The following UGT1A7 variants were observed in gnomAD, a reference collection of about 807,000 sequenced individuals.
UGT1A7 encodes the protein UDP-glucuronosyltransferase 1A7.
UGT1A7 carries 33 observed loss-of-function variants against 45.6 expected under a neutral mutation model. The ratio of observed to expected loss-of-function variants is 0.72; its 90% CI spans 0.55 to 0.97. UGT1A7 has a LOEUF of 0.97. Among genes scored for constraint, UGT1A7 ranks in the 50% least tolerant of loss-of-function variants. The pLI is 0.00. For missense variants in UGT1A7, 684 were observed against 666.2 expected (o/e 1.03, Z -0.29); for synonymous variants, 274 against 250.6 (o/e 1.09, Z -0.88).
chr2:233,694,905 A>G (rs749639379), intron 1 of UGT1A7, among the ~76,000 whole-genome samples: 11 of 152,192 alleles, frequency 7.2e-5, no homozygotes, highest in Non-Finnish European at 1.3e-4. Context: ...ATTTTGATAC[A>G]CGTATACAAT....
chr2:233,748,068 C>G, intron 1 of UGT1A7: 1 of 1,613,324 alleles, frequency 6.2e-7, no homozygotes, highest in Non-Finnish European at 8.5e-7. Flanking sequence ...CAACAGGAAG[C>G]CACTATCTCA....
rs141814082 is a variant in UGT1A7, at chr2:233,729,618, C to T, written c.856-37416C>T. ...TCTGCGCGGCAGTGCTGGCTAAGTACCTGTCGATTCCTACTGTGTTTTTTT... is the reference window on the plus strand; with the variant it reads ...TCTGCGCGGCAGTGCTGGCTAAGTATCTGTCGATTCCTACTGTGTTTTTTT... On this transcript the variant is annotated intron_variant, in intron 1 of 4. Transcript: ENST00000373426. The T allele has an allele frequency of 3.1e-6, 5 of 1,613,838 alleles. No homozygotes were observed. The South Asian group carries it at 4.4e-5, about 14-fold the overall frequency.
chr2:233,761,167 G>C, intron 1 of UGT1A7: 1 of 1,614,098 alleles, frequency 6.2e-7, no homozygotes. Flanking sequence ...TATTGGAGTG[G>C]GACTTTTACA....
In UGT1A7 at chr2:233,681,970, C is replaced by G. The variant is rs7577677; in HGVS notation, c.33C>G (p.Pro11=). Residue 11 remains proline, a synonymous_variant, in exon 1 of 5, where the codon CCC becomes CCG. Transcript: ENST00000373426. MARAGWTGLL[P]LYVCLLLTCG... is the part of the protein sequence containing the mutation. ...GTGCAGGGTGGACTGGCCTCCTTCCCCTATATGTGTGTCTACTGCTGACCT... is the reference window on the plus strand; with the variant it reads ...GTGCAGGGTGGACTGGCCTCCTTCCGCTATATGTGTGTCTACTGCTGACCT... The G allele has an allele frequency of 3.7e-6, 6 of 1,613,842 alleles. No individual in the cohort carries two copies. Among genetic ancestry groups the G allele is most frequent in the Middle Eastern group, 3.3e-4 (2 of 6,052 alleles).
At chr2:233,740,153 C>G (rs1191038998) in intron 1 of UGT1A7, among the ~76,000 whole-genome samples, 1 of 151,824 alleles carries the variant, frequency 6.6e-6, no homozygotes, top group African/African-American at 2.4e-5. Context: ...CCTGAGGCCT[C>G]CCCAGTCATG....
chr2:233,754,698 G>A (rs1338338783), intron 1 of UGT1A7: 2 of 506,588 alleles, frequency 3.9e-6, no homozygotes, highest in African/African-American at 2.0e-5. Context: ...AGTGGAAGTC[G>A]ACATGGACTT....
chr2:233,752,593 T>C (rs896301003), intron 1 of UGT1A7: 3 of 152,046 alleles, frequency 2.0e-5, no homozygotes, highest in African/African-American at 7.2e-5. Flanking sequence ...CTCTACAAGA[T>C]TTTTTTTAAA....
At chr2:233,729,870 T>A in intron 1 of UGT1A7, 1 of 1,613,848 alleles carries the variant, frequency 6.2e-7, no homozygotes, top group South Asian at 1.1e-5. Context: ...TGGTGGATAT[T>A]CTCAGTCATG....
chr2:233,682,383 C>T lies in UGT1A7; in HGVS notation c.446C>T (p.Pro149Leu), dbSNP rs368625224. ...TGTTTTGATGCAGTGTTTCTCGATC[C>T]TTTTGATGCCTGTGGCTTAATTGTT... is the stretch of plus-strand genomic sequence containing the variant. The part of the protein sequence containing the change: ...ESCFDAVFLD[P>L]FDACGLIVAK... Residue 149 changes from proline (P) to leucine (L), a missense_variant, in exon 1 of 5, where the codon CCT becomes CTT. Pro to Leu is a moderately conservative substitution (Grantham distance 98). Transcript: ENST00000373426. The T allele has an allele frequency of 2.5e-6, 4 of 1,613,858 alleles. No individual in the cohort carries two copies. In the South Asian group the frequency reaches 4.4e-5, roughly 18 times the overall value.
intron 1 of UGT1A7, chr2:233,755,364 C>G (rs1279732640): frequency 1.4e-5 from 5 of 364,304 alleles, no homozygotes; most frequent in Non-Finnish European, 2.6e-5. Flanking sequence ...ACCTGGGCCG[C>G]CTGGAGGGCC....
intron 1 of UGT1A7, among the ~76,000 whole-genome samples, chr2:233,694,601 C>A (rs187602409): frequency 6.6e-6 from 1 of 152,322 alleles, no homozygotes; most frequent in Admixed American, 6.5e-5. Flanking sequence ...TGAAGGGCTT[C>A]AGGCAACTCC....
At chr2:233,755,270 G>A (rs1695837924) in intron 1 of UGT1A7, 1 of 756,192 alleles carries the variant, frequency 1.3e-6, no homozygotes, top group Non-Finnish European at 2.0e-6. Flanking sequence ...AGTCCACTAT[G>A]CTGGACTGCC....
chr2:233,762,447 C>T (rs867092179), intron 1 of UGT1A7, among the ~76,000 whole-genome samples: 2 of 152,128 alleles, frequency 1.3e-5, no homozygotes, highest in Non-Finnish European at 2.9e-5. Context: ...TTCCCACTGC[C>T]CACTTACCGA....
intron 1 of UGT1A7, among the ~76,000 whole-genome samples, chr2:233,696,681 G>A (rs1297027758): frequency 6.6e-6 from 1 of 152,194 alleles, no homozygotes; most frequent in Non-Finnish European, 1.5e-5. Flanking sequence ...AGTGCTGACA[G>A]TCAGCATCTT....
intron 1 of UGT1A7, among the ~76,000 whole-genome samples, chr2:233,716,034 G>A (rs1575511735): frequency 6.6e-6 from 1 of 152,264 alleles, no homozygotes; most frequent in Non-Finnish European, 1.5e-5. Context: ...TTTGATGTCA[G>A]CATTCTGATT....
At position 233,754,943 on chromosome 2, in the gene UGT1A7, T is replaced by C. The variant is rs746665032; in HGVS notation, c.856-12091T>C. 5.3e-6 allele frequency: 7 copies of C among 1,332,236 alleles called. No individual in the cohort carries two copies. The African/African-American group carries it at 1.0e-4, about 20-fold the overall frequency. The allele number at this position is 1,332,236 out of a possible 1,614,324, so 82.5% of individuals were successfully genotyped here. The stretch of plus-strand genomic sequence containing the variant: ...GGTTTCCCAAGAGGTCAAAGGAGAA[T>C]GGGTCCCGGCCGCCAAAGAACTCCC... On this transcript the variant is annotated intron_variant, in intron 1 of 4. Transcript: ENST00000373426.
At chr2:233,685,284 C>T (rs1269793027) in intron 1 of UGT1A7, among the ~76,000 whole-genome samples, 4 of 152,274 alleles carry the variant, frequency 2.6e-5, no homozygotes, top group Non-Finnish European at 4.4e-5. Flanking sequence ...CCGCCCGCCT[C>T]CGCCTTTCAA....
chr2:233,693,918 C>T (rs907790099), intron 1 of UGT1A7: 4 of 1,611,064 alleles, frequency 2.5e-6, no homozygotes, highest in Non-Finnish European at 3.4e-6. Context: ...GCTCTGTCCT[C>T]CCTCACTCAT....
intron 1 of UGT1A7, chr2:233,747,530 T>C (rs530513131): frequency 6.2e-7 from 1 of 1,605,552 alleles, no homozygotes; most frequent in East Asian, 2.2e-5. Flanking sequence ...CAGAACATTT[T>C]CTGAAGACAT....
Sources: gnomAD v4.1 joint callset for allele counts (sites outside exome capture counted in the v4.1 genomes callset) on GRCh38, gnomAD v4.1.1 for gene constraint, MANE v1.5 for transcripts, NCBI Gene and HGNC (gene_info 2026-07-23, HGNC 2026-07-21) for gene names.